Variants in GALNT10 observed in about 807,000 individuals in gnomAD.
GALNT10 encodes the protein polypeptide N-acetylgalactosaminyltransferase 10.
A neutral mutation model predicts 75.0 loss-of-function variants in GALNT10; 41 were observed. The ratio of observed to expected loss-of-function variants is 0.55; its 90% CI spans 0.43 to 0.71. The LOEUF (loss-of-function observed/expected upper bound fraction) is 0.71, where lower values mean the gene tolerates loss of function less well. GALNT10 is among the 30% of genes least tolerant of loss of function. GALNT10 has a pLI of 0.00. For missense variants in GALNT10, 727 were observed against 818.5 expected (o/e 0.89, Z 1.36); for synonymous variants, 302 against 313.0 (o/e 0.96, Z 0.37).
chr5:154,229,362 T>C (rs1303759099), intron 1 of GALNT10, among the ~76,000 whole-genome samples: 1 of 152,212 alleles, frequency 6.6e-6, no homozygotes, highest in Non-Finnish European at 1.5e-5. Flanking sequence ...TCTACCTCTC[T>C]TTTAGATTAT....
chr5:154,198,962 A>G (rs1396901943), intron 1 of GALNT10, among the ~76,000 whole-genome samples: 1 of 152,172 alleles, frequency 6.6e-6, no homozygotes, highest in African/African-American at 2.4e-5. Flanking sequence ...CTGTCACGCA[A>G]TGCTGTAATT....
intron 10 of GALNT10, 88 bp from the exon 11 acceptor site, chr5:154,415,695 T>C (rs1756488875): frequency 4.8e-6 from 6 of 1,237,972 alleles, no homozygotes; most frequent in Non-Finnish European, 6.7e-6. Flanking sequence ...GACCTCTGAG[T>C]TTAAATTTTT....
At chr5:154,201,177 C>A (rs1352155138) in intron 1 of GALNT10, among the ~76,000 whole-genome samples, 2 of 152,066 alleles carry the variant, frequency 1.3e-5, no homozygotes, top group African/African-American at 4.8e-5. Flanking sequence ...GGCCAGGCTG[C>A]AGGAGACATT....
intron 4 of GALNT10, among the ~76,000 whole-genome samples, chr5:154,360,313 TG>T (rs1755363750): frequency 1.3e-5 from 2 of 151,858 alleles, no homozygotes; most frequent in Admixed American, 1.3e-4. Flanking sequence ...TAGCCGGGCA[TG>T]GTGGCACATG....
intron 7 of GALNT10, among the ~76,000 whole-genome samples, chr5:154,397,126 CAAAA>C (rs58303911): frequency 1.8e-4 from 23 of 126,204 alleles, no homozygotes; most frequent in East Asian, 1.5e-3. Context: ...GACTCCGTCT[CAAAA>C]AAAAAAAAAA....
intron 2 of GALNT10, among the ~76,000 whole-genome samples, chr5:154,297,288 G>C (rs1736973980): frequency 6.6e-6 from 1 of 152,166 alleles, no homozygotes; most frequent in Non-Finnish European, 1.5e-5. Flanking sequence ...CTGGTTTAGA[G>C]TAGGCAGATC....
intron 3 of GALNT10, among the ~76,000 whole-genome samples, chr5:154,314,479 A>G (rs148688392): frequency 7.6e-4 from 115 of 152,206 alleles, no homozygotes; most frequent in Non-Finnish European, 1.3e-3. Flanking sequence ...AGGAGCACAA[A>G]TGATATGAGA....
chr5:154,363,879 A>G (rs932308289), intron 4 of GALNT10, among the ~76,000 whole-genome samples: 1 of 152,208 alleles, frequency 6.6e-6, no homozygotes, highest in African/African-American at 2.4e-5. Flanking sequence ...TTGGAAGCAC[A>G]TTGGGTATAT....
chr5:154,384,345 T>C (rs912839291), intron 6 of GALNT10, among the ~76,000 whole-genome samples: 2 of 152,224 alleles, frequency 1.3e-5, no homozygotes, highest in African/African-American at 2.4e-5. Context: ...TGTGATATTA[T>C]TTTCTAAGGT....
intron 1 of GALNT10, among the ~76,000 whole-genome samples, chr5:154,277,364 C>G (rs191719687): frequency 6.6e-6 from 1 of 151,894 alleles, no homozygotes; most frequent in Non-Finnish European, 1.5e-5. Flanking sequence ...ACAAGTCTCT[C>G]GAAGCTTGGA....
At chr5:154,249,590 G>T (rs987865256) in intron 1 of GALNT10, among the ~76,000 whole-genome samples, 2 of 152,044 alleles carry the variant, frequency 1.3e-5, no homozygotes, top group African/African-American at 4.8e-5. Flanking sequence ...TTCCCTTTGT[G>T]GGTTTCAGGA....
chr5:154,279,296 G>GTTTTTTTTT (rs111488218), intron 1 of GALNT10, among the ~76,000 whole-genome samples: 1 of 83,846 alleles, frequency 1.2e-5, no homozygotes, highest in Non-Finnish European at 2.8e-5. Flanking sequence ...TGTTGTTGTT[G>GTTTTTTTTT]TTGTTTTGTT....
At chr5:154,371,136 C>A (rs774642195) in intron 4 of GALNT10, among the ~76,000 whole-genome samples, 1 of 152,176 alleles carries the variant, frequency 6.6e-6, no homozygotes, top group Non-Finnish European at 1.5e-5. Context: ...GTATTGCTGG[C>A]AAGCCTTGGC....
At chr5:154,404,590 T>C (rs756003699) in intron 8 of GALNT10, among the ~76,000 whole-genome samples, 3 of 152,224 alleles carry the variant, frequency 2.0e-5, no homozygotes, top group Non-Finnish European at 4.4e-5. Flanking sequence ...TAAGTTAATG[T>C]GGATTCTAAA....
At chr5:154,331,716 G>A (rs1439557394) in intron 4 of GALNT10, among the ~76,000 whole-genome samples, 1 of 152,166 alleles carries the variant, frequency 6.6e-6, no homozygotes, top group Non-Finnish European at 1.5e-5. Flanking sequence ...ACGGATGTGT[G>A]GGTGCAGGTA....
At chr5:154,306,897 T>C (rs1325795582) in intron 3 of GALNT10, among the ~76,000 whole-genome samples, 1 of 152,220 alleles carries the variant, frequency 6.6e-6, no homozygotes, top group Non-Finnish European at 1.5e-5. Context: ...CTAATTGATA[T>C]TTATAGAACA....
rs542580465 is a variant in GALNT10 at position 154,281,442 on chromosome 5, T to C, written c.160-13374T>C. ...AAACTCATCAGCTCTACTAGCTTTT[T>C]TGTAGATTCCTTAGCATTTGTTTTA... On this transcript the variant is annotated intron_variant, in intron 1 of 11. Transcript: ENST00000297107. Among the ~76,000 whole-genome samples, 148 of 152,346 alleles carry C rather than the reference T, an allele frequency of 9.7e-4. 1 individual carries two copies. Among genetic ancestry groups the C allele is most frequent in the Admixed American group, 9.6e-3 (147 of 15,300 alleles).
At chr5:154,344,908 A>G (rs1002153703) in intron 4 of GALNT10, among the ~76,000 whole-genome samples, 1 of 152,148 alleles carries the variant, frequency 6.6e-6, no homozygotes, top group African/African-American at 2.4e-5. Flanking sequence ...GGGAGCACCT[A>G]TTGCTGGCCA....
chr5:154,340,811 T>G (rs1172724217), intron 4 of GALNT10, among the ~76,000 whole-genome samples: 1 of 152,214 alleles, frequency 6.6e-6, no homozygotes, highest in Non-Finnish European at 1.5e-5. Context: ...TGGAGGCACC[T>G]TTAGAGCTGT....
Sources: gnomAD v4.1 joint callset for allele counts (sites outside exome capture counted in the v4.1 genomes callset) on GRCh38, gnomAD v4.1.1 for gene constraint, MANE v1.5 for transcripts, NCBI Gene and HGNC (gene_info 2026-07-23, HGNC 2026-07-21) for gene names.